SLC25A25: variants seen among roughly 807,000 people sequenced by gnomAD.
SLC25A25 encodes mitochondrial adenyl nucleotide antiporter SLC25A25.
A neutral mutation model predicts 57.7 loss-of-function variants in SLC25A25; 32 were observed. The observed-to-expected ratio is 0.55, with a 90% CI of 0.42 to 0.74. The LOEUF (loss-of-function observed/expected upper bound fraction) is 0.74, where lower values mean the gene tolerates loss of function less well. SLC25A25 is among the 30% of genes least tolerant of loss of function. The pLI is 0.00. For synonymous variants in SLC25A25, 306 were observed against 291.2 expected (o/e 1.05, Z -0.52); for missense variants, 556 against 701.3 (o/e 0.79, Z 2.34).
chr9:128,077,406 A>G (rs917679758), intron 1 of SLC25A25, among the ~76,000 whole-genome samples: 1 of 151,864 alleles, frequency 6.6e-6, no homozygotes, highest in Non-Finnish European at 1.5e-5. Flanking sequence ...GGTCCCAGCA[A>G]CTCGGGAGGC....
rs117510968 is a variant in SLC25A25, at chr9:128,089,270, C to A, written c.262-11826C>A. 4.0e-3 allele frequency among the ~76,000 whole-genome samples: 601 copies of A among 152,094 alleles called. 1 individual carries two copies. Among genetic ancestry groups the A allele is most frequent in the Non-Finnish European group, 6.8e-3 (465 of 68,002 alleles). On this transcript the variant is annotated intron_variant, in intron 1 of 10. Coordinates refer to ENST00000373069, the MANE Select transcript of SLC25A25 (RefSeq NM_001330988.2). ...ATTAAAATGATCTAGTTGCATGAAT[C>A]GCAATCATTTTGTAGATAATAATAA...
chr9:128,086,523 G>T (rs1188573000), intron 1 of SLC25A25, among the ~76,000 whole-genome samples: 1 of 152,022 alleles, frequency 6.6e-6, no homozygotes, highest in Non-Finnish European at 1.5e-5. Flanking sequence ...AGTAGAGACA[G>T]GTTTTCTCCA....
intron 1 of SLC25A25, among the ~76,000 whole-genome samples, chr9:128,077,831 G>A (rs901921983): frequency 4.6e-5 from 7 of 151,978 alleles, no homozygotes; most frequent in African/African-American, 1.5e-4. Context: ...TTCGAGACCA[G>A]CCTGGCCAAC....
Position 128,105,785 on chromosome 9 carries a change from T to A in SLC25A25, c.840T>A (p.Ile280=), listed in dbSNP as rs373056648. 2 of 1,614,042 alleles carry A rather than the reference T, an allele frequency of 1.2e-6. No individual in the cohort carries two copies. Among genetic ancestry groups the A allele is most frequent in the Non-Finnish European group, 8.5e-7 (1 of 1,180,036 alleles). Residue 280 remains isoleucine (I), a synonymous_variant, in exon 7 of 11, where the codon ATT becomes ATA. Transcript: ENST00000373069. ...TCGTTGGTGGCTTCACTCAGATGAT[T>A]CGAGAAGGAGGGGCCAGGTCACTCT... ...MGIVGGFTQM[I]REGGARSLWR...
intron 1 of SLC25A25, among the ~76,000 whole-genome samples, chr9:128,086,812 A>G (rs1588761875): frequency 6.6e-6 from 1 of 152,020 alleles, no homozygotes; most frequent in Non-Finnish European, 1.5e-5. Flanking sequence ...TTTGATTTCT[A>G]TCCTCCCAGC....
At chr9:128,070,472 C>T (rs1214972947) in intron 1 of SLC25A25, among the ~76,000 whole-genome samples, 1 of 149,614 alleles carries the variant, frequency 6.7e-6, no homozygotes, top group African/African-American at 2.5e-5. Flanking sequence ...GGCTCCTGAC[C>T]TCAGGTGATC....
rs146148842 is a variant in SLC25A25 at position 128,086,093 on chromosome 9, G to T, written c.262-15003G>T. Among the ~76,000 whole-genome samples the T allele has an allele frequency of 3.4e-4, 52 of 152,046 alleles. 1 individual carries two copies. The East Asian group carries it at 7.7e-3, about 23-fold the overall frequency. On this transcript the variant is annotated intron_variant, in intron 1 of 10. Coordinates refer to ENST00000373069, the MANE Select transcript of SLC25A25 (RefSeq NM_001330988.2). ...AATATGTTCTGAGTGCACTTGAAAAGAATGTGTATTCTGCTGTTGTTGGGT... is the reference window on the plus strand; with the variant it reads ...AATATGTTCTGAGTGCACTTGAAAATAATGTGTATTCTGCTGTTGTTGGGT...
In SLC25A25 at chr9:128,099,369, C is replaced by T. The variant is rs73612022; in HGVS notation, c.262-1727C>T. On this transcript the variant is annotated intron_variant, in intron 1 of 10. Coordinates refer to ENST00000373069, the MANE Select transcript of SLC25A25 (RefSeq NM_001330988.2). The surrounding 1 kb of genome is among the most constrained non-coding windows in gnomAD (Gnocchi z 6.8). ...GGCAGAAGCAAGCACTTTGAGAATG[C>T]GTTGAAGCCAGCTGCGGTGAGCACA... is the stretch of plus-strand genomic sequence containing the variant. 907 of 1,217,094 alleles carry T rather than the reference C, an allele frequency of 7.5e-4. 12 individuals carry two copies. In the African/African-American group the frequency reaches 0.012, roughly 16 times the overall value. The allele number at this position is 1,217,094 out of a possible 1,614,324, so 75.4% of individuals were successfully genotyped here. A position where few individuals can be genotyped will look rare whatever the true frequency, so the allele number is the denominator to read the frequency against.
At chr9:128,089,398 G>A (rs1407077792) in intron 1 of SLC25A25, among the ~76,000 whole-genome samples, 1 of 152,072 alleles carries the variant, frequency 6.6e-6, no homozygotes. Flanking sequence ...TTGCACATAA[G>A]GCTAGTGAAG....
In SLC25A25 at chr9:128,099,159, C is replaced by T. The variant is rs1833684112; in HGVS notation, c.262-1937C>T. On this transcript the variant is annotated intron_variant, in intron 1 of 10. Transcript: ENST00000373069. This position sits in a 1 kb window ranked among gnomAD's most constrained non-coding sequence, Gnocchi z 6.8. Reference sequence around the variant, plus strand: ...GCCTCCCGCCTTCTCGACTCTCAGACATCGCTGTGGAACAGGGCCTGTGTC... The same window carrying T: ...GCCTCCCGCCTTCTCGACTCTCAGATATCGCTGTGGAACAGGGCCTGTGTC... 8.1e-7 allele frequency: 1 copy of T among 1,234,762 alleles called. No homozygotes were observed. Among genetic ancestry groups the T allele is most frequent in the South Asian group, 1.4e-5 (1 of 72,680 alleles). 76.5% of individuals were successfully genotyped at this position (1,234,762 alleles called of 1,614,324 possible).
chr9:128,084,461 C>T (rs1045810698), intron 1 of SLC25A25, among the ~76,000 whole-genome samples: 19 of 152,186 alleles, frequency 1.2e-4, no homozygotes, highest in African/African-American at 4.1e-4. Flanking sequence ...CCGCGCCTGG[C>T]CTGACACTCC....
chr9:128,102,238 C>T lies in SLC25A25; in HGVS notation c.512+123C>T. ...TGGGGTGTGGAGCCCCCTGCTCTTT[C>T]TCCTGGGGGCAGAGGCACCTCGTGT... is the stretch of plus-strand genomic sequence containing the variant. On this transcript the variant is annotated intron_variant, in intron 4 of 10. Transcript: ENST00000373069. This position sits in a 1 kb window ranked among gnomAD's most constrained non-coding sequence, Gnocchi z 4.1. 1 of 1,407,364 alleles carries T rather than the reference C, an allele frequency of 7.1e-7. No individual in the cohort carries two copies. The highest frequency in any genetic ancestry group is 9.8e-7 in the Non-Finnish European group (1 of 1,015,736). The allele number at this position is 1,407,364 out of a possible 1,614,324, so 87.2% of individuals were successfully genotyped here.
intron 1 of SLC25A25, among the ~76,000 whole-genome samples, chr9:128,100,501 T>C (rs1326101411): frequency 6.6e-6 from 1 of 152,204 alleles, no homozygotes; most frequent in Non-Finnish European, 1.5e-5. Context: ...ATCATACACA[T>C]GCCCTTGGCT....
In SLC25A25 at chr9:128,106,410, T is replaced by C. The variant is rs764138101; in HGVS notation, c.1102T>C (p.Cys368Arg). ...KTGQYSGMLD[C>R]ARRILAREGV... ...AGGCCAGTACTCAGGAATGCTGGAC[T>C]GCGCCAGGAGGATCCTGGCCAGAGA... The change falls in exon 9 of 11, where the codon TGC becomes CGC. Residue 368 changes from cysteine to arginine, a missense_variant. Physicochemically the swap from Cys to Arg is radical, Grantham distance 180. Around this residue, in one of 3 missense-constraint regions of SLC25A25, gnomAD observed 294 missense variants for 389.6 expected, o/e 0.75. Transcript: ENST00000373069. The C allele has an allele frequency of 1.9e-6, 3 of 1,613,754 alleles. No individual in the cohort carries two copies. The highest frequency in any genetic ancestry group is 2.2e-5 in the South Asian group (2 of 91,090).
At chr9:128,081,198 G>A (rs755094008) in intron 1 of SLC25A25, among the ~76,000 whole-genome samples, 1 of 152,164 alleles carries the variant, frequency 6.6e-6, no homozygotes, top group Non-Finnish European at 1.5e-5. Flanking sequence ...GCTGTGCTGC[G>A]TGTAAGGCAG....
In SLC25A25 at chr9:128,107,448, G is replaced by C. The variant is rs200194334; in HGVS notation, c.*4G>C. ...CCTGGGCGTGCAGTCGCGGTGACGG[G>C]GGGAGGGCCGCCCGGCAGTGGACTC... On this transcript the variant is annotated 3_prime_UTR_variant, in exon 11 of 11. Transcript: ENST00000373069. The C allele has an allele frequency of 5.3e-6, 8 of 1,505,982 alleles. No homozygotes were observed. In the East Asian group the frequency reaches 6.9e-5, roughly 13 times the overall value. The allele number at this position is 1,505,982 out of a possible 1,614,324, so 93.3% of individuals were successfully genotyped here. A position where few individuals can be genotyped will look rare whatever the true frequency, so the allele number is the denominator to read the frequency against.
chr9:128,089,595 G>A (rs931222210), intron 1 of SLC25A25, among the ~76,000 whole-genome samples: 7 of 151,404 alleles, frequency 4.6e-5, no homozygotes, highest in Non-Finnish European at 1.0e-4. Flanking sequence ...ACAAGCCTTA[G>A]GACCCCATCT....
At chr9:128,077,209 C>T (rs1192457450) in intron 1 of SLC25A25, among the ~76,000 whole-genome samples, 1 of 152,200 alleles carries the variant, frequency 6.6e-6, no homozygotes, top group Non-Finnish European at 1.5e-5. Flanking sequence ...ACAGACTTTC[C>T]TCGGAAATGT....
intron 1 of SLC25A25, among the ~76,000 whole-genome samples, chr9:128,080,645 G>A (rs571227368): frequency 6.6e-6 from 1 of 151,798 alleles, no homozygotes; most frequent in East Asian, 1.9e-4. Flanking sequence ...GGCTGGTCTC[G>A]AACTCCCAAC....
Sources: allele counts gnomAD v4.1 joint callset (sites outside exome capture counted in the v4.1 genomes callset), GRCh38; gene constraint gnomAD v4.1.1; regional missense constraint gnomAD v4.1.1; non-coding constraint Gnocchi (gnomAD v3.1); transcripts MANE v1.5; gene names NCBI Gene and HGNC (gene_info 2026-07-23, HGNC 2026-07-21).